LEPR: variants seen among roughly 807,000 people sequenced by gnomAD.
LEPR encodes OB receptor.
LEPR carries 56 observed loss-of-function variants against 114.7 expected under a neutral mutation model. That is an observed-to-expected ratio of 0.49 (90% CI 0.39 to 0.61). The LOEUF (loss-of-function observed/expected upper bound fraction) is 0.61, where lower values mean the gene tolerates loss of function less well. LEPR is among the 20% of genes least tolerant of loss of function. The probability of loss-of-function intolerance (pLI) is 0.00; values close to 1 mark genes in which losing one functional copy is unlikely to be tolerated. For synonymous variants in LEPR, 443 were observed against 461.4 expected, an observed-to-expected ratio of 0.96 and a Z score of 0.51; for missense variants, 1,202 against 1,352.9, an observed-to-expected ratio of 0.89 and a Z score of 1.75.
intron 7 of LEPR, among the ~76,000 whole-genome samples, 166 bp downstream of exon 7, chr1:65,596,759 G>A (rs1294418622): frequency 2.0e-5 from 3 of 151,776 alleles, no homozygotes; most frequent in Admixed American, 6.6e-5. Context: ...ATAGATATAC[G>A]TATGTATATA....
chr1:65,635,158 A>C (rs574731854), intron 19 of LEPR: 2 of 952,172 alleles, frequency 2.1e-6, no homozygotes, highest in Non-Finnish European at 2.5e-6. Flanking sequence ...ATTTCAAGTA[A>C]TAAATCTGAA....
intron 2 of LEPR, among the ~76,000 whole-genome samples, chr1:65,518,883 TTC>T (rs1557636161): frequency 1.3e-4 from 11 of 82,454 alleles, no homozygotes; most frequent in Non-Finnish European, 8.6e-5. Flanking sequence ...TTTTCTTTCT[TTC>T]TTTCTTTCTT....
At chr1:65,594,314 C>T (rs1655900492) in intron 6 of LEPR, among the ~76,000 whole-genome samples, 1 of 151,914 alleles carries the variant, frequency 6.6e-6, no homozygotes, top group Non-Finnish European at 1.5e-5. Context: ...GACCTTTGTG[C>T]TAGGAGTGAA....
At chr1:65,600,013 AG>A (rs1167371263) in intron 8 of LEPR, among the ~76,000 whole-genome samples, 1 of 152,094 alleles carries the variant, frequency 6.6e-6, no homozygotes, top group African/African-American at 2.4e-5. Flanking sequence ...CTTATTTCTC[AG>A]TTAAGCCTTA....
At chr1:65,623,028 C>G (rs775735896) in intron 19 of LEPR, 47 bp downstream of exon 19, 14 of 1,561,614 alleles carry the variant, frequency 9.0e-6, no homozygotes, top group Non-Finnish European at 1.2e-5. Flanking sequence ...CGATTGCAAT[C>G]TAGACGCCAT....
At chr1:65,437,341 C>A (rs539787935) in intron 2 of LEPR, among the ~76,000 whole-genome samples, 1 of 152,010 alleles carries the variant, frequency 6.6e-6, no homozygotes, top group African/African-American at 2.4e-5. Flanking sequence ...GCCTCAACCT[C>A]GTAAGTAGCT....
At chr1:65,425,902 A>T (rs532399704) in intron 2 of LEPR, among the ~76,000 whole-genome samples, 9 of 152,286 alleles carry the variant, frequency 5.9e-5, no homozygotes, top group Middle Eastern at 3.4e-3. Context: ...ACATTTTTTC[A>T]TTCAACCATT....
At chr1:65,587,960 C>G (rs781167009) in intron 5 of LEPR, among the ~76,000 whole-genome samples, 2 of 151,940 alleles carry the variant, frequency 1.3e-5, no homozygotes, top group Non-Finnish European at 2.9e-5. Context: ...AGTGTTTTCC[C>G]TCTACAAGGA....
intron 8 of LEPR, 67 bp from the exon 9 acceptor site, chr1:65,601,325 C>T (rs1258241074): frequency 1.3e-5 from 21 of 1,562,322 alleles, no homozygotes; most frequent in East Asian, 2.2e-5. Context: ...GAATATTTTT[C>T]GATGTGGTAC....
At chr1:65,486,375 T>C (rs1289194178) in intron 2 of LEPR, 2 of 152,170 alleles carry the variant, frequency 1.3e-5, no homozygotes, top group Non-Finnish European at 2.9e-5. Context: ...AAATGAGTTC[T>C]CTCTTTTCTC....
chr1:65,492,140 T>TA (rs1365409793), intron 2 of LEPR, among the ~76,000 whole-genome samples: 3 of 152,240 alleles, frequency 2.0e-5, no homozygotes, highest in East Asian at 1.9e-4. Context: ...AGATTAACAA[T>TA]AAAAAATCTT....
At chr1:65,463,451 T>G (rs981917291) in intron 2 of LEPR, among the ~76,000 whole-genome samples, 2 of 152,204 alleles carry the variant, frequency 1.3e-5, no homozygotes, top group Non-Finnish European at 2.9e-5. Flanking sequence ...TGAAGTCAGA[T>G]AGCATGATGC....
intron 2 of LEPR, among the ~76,000 whole-genome samples, chr1:65,461,813 A>G (rs1241700921): frequency 6.6e-6 from 1 of 152,152 alleles, no homozygotes; most frequent in Non-Finnish European, 1.5e-5. Context: ...GTCAGCATCA[A>G]TGGTATATAT....
intron 2 of LEPR, among the ~76,000 whole-genome samples, chr1:65,531,220 A>C (rs765805684): frequency 7.2e-5 from 11 of 152,116 alleles, no homozygotes; most frequent in Non-Finnish European, 1.6e-4. Flanking sequence ...CTATATTAGA[A>C]ACCATCTTTT....
In LEPR at chr1:65,579,918, T is replaced by G. The variant is rs568960495; in HGVS notation, c.494+7469T>G. 1.5e-3 allele frequency among the ~76,000 whole-genome samples: 224 copies of G among 152,352 alleles called. 1 individual carries two copies. The highest frequency in any genetic ancestry group is 1.5e-3 in the Non-Finnish European group (101 of 68,032). ...GTCAGCCAAACAGTCATTGGTCTAT[T>G]CTTCTAAACAATAGGACCCAGAAGA... is the stretch of plus-strand genomic sequence containing the variant. On this transcript the variant is annotated intron_variant, in intron 5 of 19. Transcript: ENST00000349533.
In LEPR at chr1:65,617,449, G is replaced by C. The variant is rs117367722; in HGVS notation, c.2213-515G>C. 1.1e-3 allele frequency among the ~76,000 whole-genome samples: 170 copies of C among 152,344 alleles called. 7 individuals are homozygous for C. In the East Asian group the frequency reaches 0.021, roughly 19 times the overall value. On this transcript the variant is annotated intron_variant, in intron 15 of 19. Transcript: ENST00000349533. Reference sequence around the variant, plus strand: ...AGCCAGATCAAAAGTCTATGGCACAGGATAGAAAATGAAGAAAGACCAGGG... The same window carrying C: ...AGCCAGATCAAAAGTCTATGGCACACGATAGAAAATGAAGAAAGACCAGGG...
chr1:65,525,954 G>T, intron 2 of LEPR: 1 of 810,538 alleles, frequency 1.2e-6, no homozygotes, highest in Non-Finnish European at 1.5e-6. Flanking sequence ...GTCCGGGGCA[G>T]CTTAGCGGGA....
chr1:65,423,237 GC>G (rs1235909305), intron 1 of LEPR, among the ~76,000 whole-genome samples: 1 of 152,146 alleles, frequency 6.6e-6, no homozygotes, highest in Non-Finnish European at 1.5e-5. Flanking sequence ...TTGCGGCCGG[GC>G]CCTTGTGGTA....
intron 2 of LEPR, among the ~76,000 whole-genome samples, chr1:65,475,250 G>A (rs972701951): frequency 6.6e-6 from 1 of 152,104 alleles, no homozygotes; most frequent in African/African-American, 2.4e-5. Context: ...GTTTTCACAT[G>A]CTCAGCATTC....
Sources: allele counts gnomAD v4.1 joint callset (sites outside exome capture counted in the v4.1 genomes callset), GRCh38; gene constraint gnomAD v4.1.1; transcripts MANE v1.5; gene names NCBI Gene and HGNC (gene_info 2026-07-23, HGNC 2026-07-21).